The following PTK2 variants were observed in gnomAD, a reference collection of about 807,000 sequenced individuals.
PTK2 encodes focal adhesion kinase 1.
In PTK2, 45 loss-of-function variants were observed where a neutral mutation model predicts 150.1. That is an observed-to-expected ratio of 0.30 (90% CI 0.24 to 0.38). PTK2 has a LOEUF of 0.38. Ranked by LOEUF, PTK2 falls within the 10% of genes least tolerant of loss-of-function variation. The pLI is 1.00. For synonymous variants in PTK2, 432 were observed against 449.2 expected, an observed-to-expected ratio of 0.96 and a Z score of 0.48; for missense variants, 919 against 1,307.3, an observed-to-expected ratio of 0.70 and a Z score of 4.58.
chr8:140,755,795 C>T (rs760870780), intron 16 of PTK2, among the ~76,000 whole-genome samples: 10 of 152,010 alleles, frequency 6.6e-5, no homozygotes, highest in Non-Finnish European at 1.2e-4. Flanking sequence ...TTAACTGAAC[C>T]TTAAATAAAG....
chr8:140,927,972 AAAAATAT>A (rs1185861174), intron 1 of PTK2, among the ~76,000 whole-genome samples: 8 of 92,318 alleles, frequency 8.7e-5, no homozygotes, highest in East Asian at 6.5e-4. Flanking sequence ...AAAAAAAAAA[AAAAATAT>A]ATATATATAT....
intron 29 of PTK2, chr8:140,674,065 A>G: frequency 3.0e-6 from 2 of 669,146 alleles, no homozygotes; most frequent in Non-Finnish European, 5.6e-6. Context: ...AATTCCTAAA[A>G]TCTATTACAC....
At chr8:140,786,574 C>A (rs969327857) in intron 14 of PTK2, among the ~76,000 whole-genome samples, 1 of 151,802 alleles carries the variant, frequency 6.6e-6, no homozygotes, top group African/African-American at 2.4e-5. Flanking sequence ...ACATATCACA[C>A]CATTGAATGT....
rs572146694 is a variant in PTK2, at chr8:140,783,212, C to T, written c.1177+6262G>A. 3.3e-5 allele frequency among the ~76,000 whole-genome samples: 5 copies of T among 152,198 alleles called. No individual in the cohort carries two copies. The East Asian group carries it at 9.6e-4, about 29-fold the overall frequency. Reference sequence around the variant, plus strand: ...CTGAGATCAAGCCACTGCAATCCAGCCTGGGTGACAGAGGGAGACCATGTC... The same window carrying T: ...CTGAGATCAAGCCACTGCAATCCAGTCTGGGTGACAGAGGGAGACCATGTC... On this transcript the variant is annotated intron_variant, in intron 14 of 31. Transcript: ENST00000522684.
chr8:140,953,801 T>A (rs1221427705), intron 1 of PTK2, among the ~76,000 whole-genome samples: 1 of 152,094 alleles, frequency 6.6e-6, no homozygotes, highest in African/African-American at 2.4e-5. Flanking sequence ...TAATCTTTTT[T>A]TTGAGATGGA....
chr8:140,940,261 G>T (rs1184825061), intron 1 of PTK2, among the ~76,000 whole-genome samples: 1 of 152,014 alleles, frequency 6.6e-6, no homozygotes, highest in South Asian at 2.1e-4. Flanking sequence ...AGGCCGAGGC[G>T]GGTGGATCAC....
At chr8:140,998,230 C>A (rs1430356847) in intron 1 of PTK2, among the ~76,000 whole-genome samples, 1 of 152,070 alleles carries the variant, frequency 6.6e-6, no homozygotes, top group Non-Finnish European at 1.5e-5. Flanking sequence ...TTTAGAATGC[C>A]TAAACTGAAA....
At chr8:140,873,159 G>T (rs2100143507) in intron 4 of PTK2, among the ~76,000 whole-genome samples, 1 of 152,230 alleles carries the variant, frequency 6.6e-6, no homozygotes, top group African/African-American at 2.4e-5. Context: ...GGTAGGGCAT[G>T]TAATCACTTG....
chr8:140,927,543 T>C (rs1488379029), intron 1 of PTK2: 2 of 152,200 alleles, frequency 1.3e-5, no homozygotes, highest in African/African-American at 4.8e-5. Flanking sequence ...CCCCTTGTGG[T>C]GAATGTAAAT....
At chr8:140,714,407 C>T (rs888716315) in intron 23 of PTK2, among the ~76,000 whole-genome samples, 6 of 151,294 alleles carry the variant, frequency 4.0e-5, no homozygotes, top group African/African-American at 1.5e-4. Context: ...TGTTTAAGCC[C>T]AGCAGCTCAA....
chr8:140,895,058 T>C (rs958792718), intron 2 of PTK2, among the ~76,000 whole-genome samples: 3 of 152,188 alleles, frequency 2.0e-5, no homozygotes, highest in African/African-American at 7.2e-5. Context: ...GTGTCTAGCA[T>C]TAGGCTAGAC....
Position 140,693,564 on chromosome 8 carries a change from T to TAAAAAAAAAAA in PTK2, c.2500-6881_2500-6871dup, listed in dbSNP as rs377205785. On this transcript the variant is annotated intron_variant, in intron 26 of 31. Transcript: ENST00000522684. ...CCACAGAGTGAGACTTTGTCTCAATTAAAAAAAAAAAAAAAAAAAAAAAAA... is the reference window on the plus strand; with the variant it reads ...CCACAGAGTGAGACTTTGTCTCAATTAAAAAAAAAAAAAAAAAAAAAAAAAAAAAAAAAAAA... 9.7e-5 allele frequency among the ~76,000 whole-genome samples: 7 copies of TAAAAAAAAAAA among 72,458 alleles called. 1 individual carries two copies. Among genetic ancestry groups the TAAAAAAAAAAA allele is most frequent in the African/African-American group, 3.0e-4 (5 of 16,654 alleles). The allele number at this position is 72,458 out of a possible 152,430, so 47.5% of individuals were successfully genotyped here.
chr8:140,751,090 G>C (rs941393899), intron 17 of PTK2, among the ~76,000 whole-genome samples: 1 of 151,742 alleles, frequency 6.6e-6, no homozygotes, highest in African/African-American at 2.4e-5. Context: ...AAAAAAAAAA[G>C]ATAAGTGTTT....
At chr8:140,663,009 G>T in intron 31 of PTK2, 1 of 379,044 alleles carries the variant, frequency 2.6e-6, no homozygotes, top group South Asian at 1.1e-4. Context: ...GGCTCTCACA[G>T]GCGACGGAAA....
At chr8:140,662,731 C>A in intron 31 of PTK2, 1 of 590,574 alleles carries the variant, frequency 1.7e-6, no homozygotes, top group South Asian at 2.0e-5. Context: ...CCCTGGACAT[C>A]GTATGTCTCT....
chr8:140,747,686 A>G (rs1423419423), intron 17 of PTK2, among the ~76,000 whole-genome samples: 16 of 57,586 alleles, frequency 2.8e-4, no homozygotes, highest in Admixed American at 6.2e-4. Context: ...AAGGAAGGGG[A>G]GGAGGAGGAG....
chr8:140,881,387 A>T (rs1352887480), intron 3 of PTK2, among the ~76,000 whole-genome samples: 1 of 152,218 alleles, frequency 6.6e-6, no homozygotes, highest in African/African-American at 2.4e-5. Flanking sequence ...TAAAGGATGG[A>T]AGCTAGCACC....
chr8:140,829,228 C>G, intron 8 of PTK2, among the ~76,000 whole-genome samples: 1 of 152,278 alleles, frequency 6.6e-6, no homozygotes, highest in Middle Eastern at 3.4e-3. Flanking sequence ...AAAGCCAACA[C>G]CTTTATATCT....
At chr8:140,999,661 G>C (rs533899318) in intron 1 of PTK2, among the ~76,000 whole-genome samples, 71 of 152,168 alleles carry the variant, frequency 4.7e-4, no homozygotes, top group Non-Finnish European at 8.2e-4. Flanking sequence ...CCGTGTGCTT[G>C]CATCGCACTG....
Sources: allele counts gnomAD v4.1 joint callset (sites outside exome capture counted in the v4.1 genomes callset), GRCh38; gene constraint gnomAD v4.1.1; transcripts MANE v1.5; gene names NCBI Gene and HGNC (gene_info 2026-07-23, HGNC 2026-07-21).